The following COL16A1 variants were observed in gnomAD, a reference collection of about 807,000 sequenced individuals.
The protein encoded by COL16A1 is collagen type XVI alpha 1 chain.
A neutral mutation model predicts 266.3 loss-of-function variants in COL16A1; 189 were observed. The ratio of observed to expected loss-of-function variants is 0.71; its 90% CI spans 0.63 to 0.80. The LOEUF is 0.80. Among genes scored for constraint, COL16A1 ranks in the 30% least tolerant of loss-of-function variants. COL16A1 has a pLI of 0.00. For synonymous variants in COL16A1, 740 were observed against 782.3 expected (o/e 0.95, Z 0.90); for missense variants, 1,928 against 2,122.4 (o/e 0.91, Z 1.80).
rs1644727329 is a variant in COL16A1, at chr1:31,701,599, T to C, written c.73+522A>G. ...CTCTGTCTCATCCAGAGTCTGGGCC[T>C]CGGGGTGGGCCTTTTATTAGAGATT... On this transcript the variant is annotated intron_variant, in intron 2 of 70. Transcript: ENST00000373672. 34 of 983,072 alleles carry C rather than the reference T, an allele frequency of 3.5e-5. No individual in the cohort carries two copies. In the South Asian group the frequency reaches 1.6e-3, roughly 45 times the overall value. The allele number at this position is 983,072 out of a possible 1,614,324, so 60.9% of individuals were successfully genotyped here. A position where few individuals can be genotyped will look rare whatever the true frequency, so the allele number is the denominator to read the frequency against.
chr1:31,689,469 T>G (rs1470239043), intron 23 of COL16A1: 1 of 565,580 alleles, frequency 1.8e-6, no homozygotes, highest in Non-Finnish European at 3.2e-6. Context: ...ACAGTAAGGG[T>G]GGGCTCCAGC....
chr1:31,684,411 T>C, intron 31 of COL16A1, 112 bp downstream of exon 31: 1 of 1,517,256 alleles, frequency 6.6e-7, no homozygotes, highest in South Asian at 1.3e-5. Flanking sequence ...GCTCAGTGAC[T>C]CTGACAGCCG....
Position 31,693,858 on chromosome 1 carries a change from C to T in COL16A1, c.1008+286G>A, listed in dbSNP as rs115490250. Among the ~76,000 whole-genome samples, 575 of 152,304 alleles carry T rather than the reference C, an allele frequency of 3.8e-3. 4 individuals are homozygous for T. Among genetic ancestry groups the T allele is most frequent in the African/African-American group, 0.013 (547 of 41,550 alleles). On this transcript the variant is annotated intron_variant, in intron 12 of 70. Transcript: ENST00000373672. The stretch of plus-strand genomic sequence containing the variant: ...AGTTTCCCCTGAAGTAAAATGATAG[C>T]ACCCACCCTGCAGGCTGACTATTGA...
rs1640719690 is a variant in COL16A1, at chr1:31,652,573, A to G, written c.*78T>C. The G allele has an allele frequency of 1.5e-6, 2 of 1,359,118 alleles. No homozygotes were observed. The highest frequency in any genetic ancestry group is 2.1e-5 in the South Asian group (1 of 47,426). The allele number at this position is 1,359,118 out of a possible 1,614,324, so 84.2% of individuals were successfully genotyped here. ...AACAACAACAACAAAAAAAACATTC[A>G]CAACCTGTCACAGAGTCCTATAAGC... On this transcript the variant is annotated 3_prime_UTR_variant, in exon 71 of 71. Transcript: ENST00000373672. This position sits in a 1 kb window ranked among gnomAD's most constrained non-coding sequence, Gnocchi z 4.8.
intron 26 of COL16A1, among the ~76,000 whole-genome samples, chr1:31,687,865 A>G (rs979070804): frequency 6.6e-6 from 1 of 152,190 alleles, no homozygotes; most frequent in African/African-American, 2.4e-5. Flanking sequence ...GAATTTGGGT[A>G]ACATTTGGGT....
chr1:31,673,130 G>A (rs904380824), intron 44 of COL16A1: 2 of 474,484 alleles, frequency 4.2e-6, no homozygotes, highest in Middle Eastern at 6.0e-4. Flanking sequence ...CCCGCAGAGG[G>A]ACCATCTGTC....
chr1:31,675,365 T>A, intron 42 of COL16A1, 54 bp from the exon 43 acceptor site: 1 of 1,592,542 alleles, frequency 6.3e-7, no homozygotes, highest in Non-Finnish European at 8.6e-7. Flanking sequence ...AGCCTGCTGG[T>A]CAGCCTGTTT....
intron 42 of COL16A1, among the ~76,000 whole-genome samples, chr1:31,676,320 G>A (rs1345888130): frequency 5.7e-5 from 6 of 104,988 alleles, no homozygotes; most frequent in Non-Finnish European, 8.1e-5. Context: ...GGGAGACTCC[G>A]TCTCAAAAAA....
At chr1:31,692,533 G>C (rs781075818) in intron 15 of COL16A1, 24 bp from the exon 16 acceptor site, 24 of 1,614,056 alleles carry the variant, frequency 1.5e-5, no homozygotes, top group Middle Eastern at 1.6e-4. Context: ...GGGAGACAGA[G>C]GAAGGGAGGG....
chr1:31,655,771 A>G (rs1281593465), intron 66 of COL16A1: 2 of 522,432 alleles, frequency 3.8e-6, no homozygotes, highest in African/African-American at 2.0e-5. Flanking sequence ...AAGGCCATTC[A>G]TTATGTGGTC....
chr1:31,699,141 C>A (rs868863525), intron 4 of COL16A1, among the ~76,000 whole-genome samples: 6 of 150,218 alleles, frequency 4.0e-5, no homozygotes, highest in Middle Eastern at 3.4e-3. Context: ...AAACAAAAAA[C>A]CCACATACAC....
At chr1:31,684,719 G>A in intron 30 of COL16A1, 89 bp from the exon 31 acceptor site, 2 of 1,609,550 alleles carry the variant, frequency 1.2e-6, no homozygotes, top group South Asian at 1.1e-5. Context: ...ACACTCCTTT[G>A]CCGGGGCTGA....
At position 31,654,781 on chromosome 1, in the gene COL16A1, C is replaced by T; in HGVS notation, c.4357+11G>A. On this transcript the variant is annotated intron_variant, in intron 68 of 70. Coordinates refer to ENST00000373672, the MANE Select transcript of COL16A1 (RefSeq NM_001856.4). Reference sequence around the variant, plus strand: ...ACAGCACCCACTGCCACCCAGCTGGCTGCCAGTTACCATCAAACATTTTAA... The same window carrying T: ...ACAGCACCCACTGCCACCCAGCTGGTTGCCAGTTACCATCAAACATTTTAA... The T allele has an allele frequency of 1.2e-6, 2 of 1,613,996 alleles. No homozygotes were observed. The highest frequency in any genetic ancestry group is 1.7e-6 in the Non-Finnish European group (2 of 1,180,016).
Position 31,656,527 on chromosome 1 carries a change from C to T in COL16A1, c.4057-83G>A, listed in dbSNP as rs866716738. 5.8e-6 allele frequency: 9 copies of T among 1,557,220 alleles called. No homozygotes were observed. The highest frequency in any genetic ancestry group is 2.1e-4 in the Middle Eastern group (1 of 4,808). On this transcript the variant is annotated intron_variant, in intron 65 of 70. Coordinates refer to ENST00000373672, the MANE Select transcript of COL16A1 (RefSeq NM_001856.4). This position sits in a 1 kb window ranked among gnomAD's most constrained non-coding sequence, Gnocchi z 4.2. ...GGAGGCAGGTGCAGTGAAGAGGCCCCTTCCACAGCCTGAGGCCCCCAGGTG... is the reference window on the plus strand; with the variant it reads ...GGAGGCAGGTGCAGTGAAGAGGCCCTTTCCACAGCCTGAGGCCCCCAGGTG...
Position 31,698,709 on chromosome 1 carries a change from G to A in COL16A1, c.267-103C>T. ...CTGAGCCTACCCAAGACATCCACAG[G>A]CACACATCTTCCATCATATACATTC... On this transcript the variant is annotated intron_variant, in intron 4 of 70. Coordinates refer to ENST00000373672, the MANE Select transcript of COL16A1 (RefSeq NM_001856.4). The surrounding 1 kb of genome is among the most constrained non-coding windows in gnomAD (Gnocchi z 4.1). The A allele has an allele frequency of 1.3e-6, 2 of 1,519,480 alleles. No homozygotes were observed. Among genetic ancestry groups the A allele is most frequent in the Middle Eastern group, 2.2e-4 (1 of 4,562 alleles). 94.1% of individuals were successfully genotyped at this position (1,519,480 alleles called of 1,614,324 possible). A position where few individuals can be genotyped will look rare whatever the true frequency, so the allele number is the denominator to read the frequency against.
chr1:31,688,399 C>T lies in COL16A1; in HGVS notation c.1803+68G>A, dbSNP rs113905439. 4.0e-3 allele frequency: 6,259 copies of T among 1,559,260 alleles called. 146 individuals are homozygous for T. In the African/African-American group the frequency reaches 0.058, roughly 15 times the overall value. On this transcript the variant is annotated intron_variant, in intron 26 of 70. Coordinates refer to ENST00000373672, the MANE Select transcript of COL16A1 (RefSeq NM_001856.4). The surrounding 1 kb of genome is among the most constrained non-coding windows in gnomAD (Gnocchi z 4.9). ...GTTTATATTACCCTTATTCCCCGCC[C>T]GCACCACTCCTCCCCTGCCTGCCTG...
intron 30 of COL16A1, 76 bp downstream of exon 30, chr1:31,684,745 G>A: frequency 1.2e-6 from 2 of 1,611,880 alleles, no homozygotes; most frequent in Non-Finnish European, 1.7e-6. Context: ...GGGGGCTAGG[G>A]AGGGAGGAAA....
intron 9 of COL16A1, 53 bp downstream of exon 9, chr1:31,696,035 C>A: frequency 6.7e-7 from 1 of 1,499,682 alleles, no homozygotes; most frequent in Non-Finnish European, 9.3e-7. Context: ...TTTACAGGGG[C>A]ACAGAGGGCA....
At chr1:31,678,280 C>G (rs1356788487) in intron 42 of COL16A1, among the ~76,000 whole-genome samples, 1 of 152,178 alleles carries the variant, frequency 6.6e-6, no homozygotes, top group Non-Finnish European at 1.5e-5. Flanking sequence ...TGATGCTGCC[C>G]TGCTTCTTCA....
Sources: gnomAD v4.1 joint callset for allele counts (sites outside exome capture counted in the v4.1 genomes callset) on GRCh38, gnomAD v4.1.1 for gene constraint, Gnocchi (gnomAD v3.1) non-coding constraint, MANE v1.5 for transcripts, NCBI Gene and HGNC (gene_info 2026-07-23, HGNC 2026-07-21) for gene names.